Variants in RYR3 observed in about 807,000 individuals in gnomAD.
RYR3 encodes the protein ryanodine receptor 3, also known as brain ryanodine receptor-calcium release channel.
Under a neutral mutation model 584.3 loss-of-function variants are expected in RYR3, and 207 were observed. The observed-to-expected ratio is 0.35, with a 90% CI of 0.32 to 0.40. The LOEUF (loss-of-function observed/expected upper bound fraction) is 0.40, where lower values mean the gene tolerates loss of function less well. RYR3 is among the 10% of genes least tolerant of loss of function. The pLI is 1.00. For missense variants in RYR3, 5,616 were observed against 6,089.2 expected, an observed-to-expected ratio of 0.92 and a Z score of 2.59; for synonymous variants, 2,416 against 2,248.5, an observed-to-expected ratio of 1.07 and a Z score of -2.11.
At chr15:33,526,548 A>G (rs2054403230) in intron 3 of RYR3, among the ~76,000 whole-genome samples, 1 of 152,210 alleles carries the variant, frequency 6.6e-6, no homozygotes, top group Non-Finnish European at 1.5e-5. Context: ...GTATCAAACA[A>G]TGAAAAGAGT....
intron 1 of RYR3, among the ~76,000 whole-genome samples, chr15:33,409,820 T>C (rs1399962920): frequency 1.3e-5 from 2 of 152,174 alleles, no homozygotes; most frequent in Non-Finnish European, 2.9e-5. Context: ...GAACTTGTCT[T>C]GTAGACTAAA....
intron 24 of RYR3, among the ~76,000 whole-genome samples, chr15:33,633,368 A>G (rs1280737634): frequency 1.3e-5 from 2 of 152,246 alleles, no homozygotes; most frequent in Non-Finnish European, 2.9e-5. Context: ...AGCCCAGCAC[A>G]GCAGCAAACC....
intron 1 of RYR3, among the ~76,000 whole-genome samples, chr15:33,428,068 T>C (rs900881615): frequency 1.3e-5 from 2 of 152,376 alleles, no homozygotes; most frequent in Non-Finnish European, 2.9e-5. Context: ...CTGTTATCTT[T>C]GTATTGTAAG....
intron 43 of RYR3, among the ~76,000 whole-genome samples, chr15:33,714,811 G>A (rs2067379158): frequency 6.6e-6 from 1 of 152,152 alleles, no homozygotes; most frequent in African/African-American, 2.4e-5. Context: ...GCTGTGAAAC[G>A]TGATGCTCTA....
At chr15:33,720,810 G>T (rs1164683605) in intron 43 of RYR3, among the ~76,000 whole-genome samples, 2 of 152,082 alleles carry the variant, frequency 1.3e-5, no homozygotes, top group Non-Finnish European at 2.9e-5. Context: ...AGAGGGTGAG[G>T]CTGCACTGAG....
intron 1 of RYR3, among the ~76,000 whole-genome samples, chr15:33,458,551 C>T (rs1468648376): frequency 2.0e-5 from 3 of 152,200 alleles, no homozygotes; most frequent in Non-Finnish European, 4.4e-5. Flanking sequence ...TTCTGTTTCT[C>T]TGGAGAACCA....
At chr15:33,471,277 C>A (rs370640548) in intron 1 of RYR3, among the ~76,000 whole-genome samples, 2 of 152,248 alleles carry the variant, frequency 1.3e-5, no homozygotes, top group Admixed American at 1.3e-4. Context: ...ATCAATTTGG[C>A]CCAGAGTCCC....
At chr15:33,483,069 A>G (rs944498214) in intron 2 of RYR3, among the ~76,000 whole-genome samples, 5 of 151,980 alleles carry the variant, frequency 3.3e-5, no homozygotes, top group African/African-American at 1.2e-4. Context: ...AACCCCCTCT[A>G]ATGAATTTAT....
chr15:33,785,932 T>A lies in RYR3; in HGVS notation c.9539T>A (p.Ile3180Asn), dbSNP rs2074680127. Residue 3180 changes from isoleucine (I) to asparagine (N), a missense_variant, in exon 66 of 104, where the codon ATC (isoleucine) becomes AAC (asparagine). Ile to Asn is a moderately radical substitution (Grantham distance 149). Around this residue, in one of 9 missense-constraint regions of RYR3, gnomAD observed 954 missense variants for 1,132.2 expected, o/e 0.84. Transcript: ENST00000634891. ...SLILGNILKI[I>N]NNNLGIDEAS... ...ATCCTGGGCAACATTCTGAAAATCA[T>A]CAACAACAACCTGGGCATCGATGAG... 3.1e-6 allele frequency: 5 copies of A among 1,609,804 alleles called. No homozygotes were observed. The highest frequency in any genetic ancestry group is 1.3e-5 in the African/African-American group (1 of 74,952).
intron 1 of RYR3, among the ~76,000 whole-genome samples, chr15:33,450,600 G>T: frequency 6.7e-6 from 1 of 150,310 alleles, no homozygotes. Flanking sequence ...TTTTTTGAGG[G>T]TTCTTTTTTT....
chr15:33,609,410 C>T (rs1595816662), intron 18 of RYR3, among the ~76,000 whole-genome samples: 1 of 152,058 alleles, frequency 6.6e-6, no homozygotes, highest in African/African-American at 2.4e-5. Context: ...AATCCCAGCA[C>T]TTTGGGAGGC....
At chr15:33,431,258 G>A (rs984411632) in intron 1 of RYR3, among the ~76,000 whole-genome samples, 1 of 152,150 alleles carries the variant, frequency 6.6e-6, no homozygotes, top group African/African-American at 2.4e-5. Flanking sequence ...CACTTATGGA[G>A]CAGCTAAACA....
At chr15:33,340,983 G>A (rs1381967283) in intron 1 of RYR3, among the ~76,000 whole-genome samples, 4 of 152,114 alleles carry the variant, frequency 2.6e-5, no homozygotes, top group African/African-American at 2.4e-5. Context: ...TACCTGTAGG[G>A]CTTGTTGAAC....
chr15:33,823,667 A>G (rs754362984), intron 81 of RYR3, among the ~76,000 whole-genome samples: 38 of 152,140 alleles, frequency 2.5e-4, no homozygotes, highest in Admixed American at 5.2e-4. Context: ...GCCACCCCTC[A>G]TGGCTGAATG....
chr15:33,864,189 G>A lies in RYR3; in HGVS notation c.14517G>A (p.Gln4839=). 6.2e-7 allele frequency: 1 copy of A among 1,609,376 alleles called. No individual in the cohort carries two copies. The highest frequency in any genetic ancestry group is 8.5e-7 in the Non-Finnish European group (1 of 1,177,124). ...AAGATGAAACAGAGCACACGGGTCA[G>A]GTGAGAAATTAAGAATCATATACCC... ...INKDETEHTG[Q]ESYVWKMYQE... The change falls in exon 103 of 104, where the codon CAG becomes CAA. Residue 4839 remains glutamine (Q), a splice_region_variant and synonymous_variant. Transcript: ENST00000634891.
intron 48 of RYR3, among the ~76,000 whole-genome samples, chr15:33,733,798 T>A (rs1002089923): frequency 2.6e-5 from 4 of 152,190 alleles, no homozygotes; most frequent in Non-Finnish European, 5.9e-5. Flanking sequence ...TGGTGAGGGA[T>A]AATGATAATG....
At chr15:33,763,720 C>G (rs1326495117) in intron 60 of RYR3, among the ~76,000 whole-genome samples, 1 of 151,848 alleles carries the variant, frequency 6.6e-6, no homozygotes, top group East Asian at 1.9e-4. Context: ...GGTGAAACCC[C>G]GTCTCTACTA....
chr15:33,861,284 T>C (rs529070426), intron 102 of RYR3, 106 bp downstream of exon 102: 5 of 742,836 alleles, frequency 6.7e-6, no homozygotes, highest in East Asian at 3.0e-5. Flanking sequence ...AGAAAGGAAC[T>C]TCCAGGAGTC....
At chr15:33,741,271 A>G (rs1486727181) in intron 51 of RYR3, among the ~76,000 whole-genome samples, 2 of 152,216 alleles carry the variant, frequency 1.3e-5, no homozygotes, top group Non-Finnish European at 2.9e-5. Flanking sequence ...TGAAAGGCCA[A>G]CCTGGCCTTA....
Sources: gnomAD v4.1 joint callset for allele counts (sites outside exome capture counted in the v4.1 genomes callset) on GRCh38, gnomAD v4.1.1 for gene constraint, gnomAD v4.1.1 regional missense constraint, MANE v1.5 for transcripts, NCBI Gene and HGNC (gene_info 2026-07-23, HGNC 2026-07-21) for gene names.